SMIM36: variants seen among roughly 807,000 people sequenced by gnomAD.
SMIM36 encodes the protein small integral membrane protein 36.
intron 3 of SMIM36, among the ~76,000 whole-genome samples, chr17:55,472,351 G>C (rs969450102): frequency 2.6e-5 from 4 of 152,026 alleles, no homozygotes; most frequent in African/African-American, 2.4e-5. Flanking sequence ...GCTCTCTCTC[G>C]CTAAAGGAAT....
At chr17:55,501,963 G>A (rs1283492660) in intron 1 of SMIM36, among the ~76,000 whole-genome samples, 1 of 148,716 alleles carries the variant, frequency 6.7e-6, no homozygotes, top group East Asian at 2.0e-4. Context: ...AAGGGGTGAC[G>A]GACGCACCTG....
the SMIM36 span, among the ~76,000 whole-genome samples, chr17:55,522,193 C>T: frequency 7.7e-4 from 117 of 152,296 alleles, no homozygotes; most frequent in African/African-American, 2.7e-3. Flanking sequence ...AAGCCACTAC[C>T]ATTTCAGGAT....
chr17:55,483,725 C>G (rs1909559271), intron 1 of SMIM36, among the ~76,000 whole-genome samples: 2 of 152,192 alleles, frequency 1.3e-5, no homozygotes, highest in Non-Finnish European at 2.9e-5. Context: ...ACCTCTGCCT[C>G]TGGATTCCAG....
chr17:55,466,277 C>CAAAA (rs796506078), intron 4 of SMIM36, among the ~76,000 whole-genome samples: 1,013 of 45,440 alleles, frequency 0.022, 35 homozygotes, highest in Middle Eastern at 0.048. Context: ...GACTCCGTCT[C>CAAAA]AAAAAAAAAA....
chr17:55,464,150 G>A (rs1909194415), intron 4 of SMIM36, among the ~76,000 whole-genome samples: 1 of 152,102 alleles, frequency 6.6e-6, no homozygotes, highest in Non-Finnish European at 1.5e-5. Context: ...AAAAGAGGAT[G>A]TTAAATGACT....
chr17:55,519,582 C>A, the SMIM36 span, among the ~76,000 whole-genome samples: 1 of 152,066 alleles, frequency 6.6e-6, no homozygotes, highest in Non-Finnish European at 1.5e-5. Context: ...AAGGGCATAT[C>A]TTTGGAGTTG....
chr17:55,464,257 A>G (rs1375063943), intron 4 of SMIM36, among the ~76,000 whole-genome samples: 1 of 152,248 alleles, frequency 6.6e-6, no homozygotes, highest in Non-Finnish European at 1.5e-5. Flanking sequence ...ACAAGGCTCA[A>G]TATGGTATTG....
chr17:55,501,861 A>C (rs1017841562), intron 1 of SMIM36, among the ~76,000 whole-genome samples: 2 of 140,350 alleles, frequency 1.4e-5, no homozygotes. Flanking sequence ...GGCGCAGGCC[A>C]GTGGGTGCGC....
chr17:55,464,111 T>C (rs779754589), intron 4 of SMIM36, among the ~76,000 whole-genome samples: 1 of 151,958 alleles, frequency 6.6e-6, no homozygotes, highest in Non-Finnish European at 1.5e-5. Flanking sequence ...CAAGGCCCTG[T>C]CTCAAAAAAA....
At chr17:55,499,701 C>T (rs1567870216) in intron 1 of SMIM36, among the ~76,000 whole-genome samples, 1 of 152,032 alleles carries the variant, frequency 6.6e-6, no homozygotes, top group South Asian at 2.1e-4. Context: ...TGAATTAAAA[C>T]ATACTGGAAA....
At chr17:55,531,497 C>A in the SMIM36 span, among the ~76,000 whole-genome samples, 4 of 152,280 alleles carry the variant, frequency 2.6e-5, no homozygotes, top group African/African-American at 9.6e-5. Context: ...GGCCCTACCC[C>A]CTAGTAGTGT....
intron 3 of SMIM36, among the ~76,000 whole-genome samples, chr17:55,472,674 C>A (rs541736752): frequency 3.3e-5 from 5 of 152,230 alleles, no homozygotes; most frequent in Admixed American, 3.3e-4. Flanking sequence ...AGTTCGAGAC[C>A]AACCTGGCCA....
At chr17:55,453,792 T>C (rs1908968582) in intron 4 of SMIM36, among the ~76,000 whole-genome samples, 1 of 152,148 alleles carries the variant, frequency 6.6e-6, no homozygotes, top group East Asian at 1.9e-4. Context: ...GTAAAATAGA[T>C]ATTTAGAGTA....
At chr17:55,454,662 A>T (rs1247848422) in intron 4 of SMIM36, among the ~76,000 whole-genome samples, 1 of 152,236 alleles carries the variant, frequency 6.6e-6, no homozygotes, top group Non-Finnish European at 1.5e-5. Context: ...ACTTGCTTTA[A>T]AAAAGTGTGT....
intron 3 of SMIM36, among the ~76,000 whole-genome samples, chr17:55,469,538 C>A (rs1909304676): frequency 6.6e-6 from 1 of 152,128 alleles, no homozygotes; most frequent in South Asian, 2.1e-4. Context: ...AATTAGATTC[C>A]AGCTTTTGAA....
chr17:55,495,923 C>T (rs947371700), intron 1 of SMIM36, among the ~76,000 whole-genome samples: 11 of 152,178 alleles, frequency 7.2e-5, no homozygotes, highest in Non-Finnish European at 1.6e-4. Context: ...CAAATCCAGT[C>T]TTGCTGCCAT....
intron 3 of SMIM36, among the ~76,000 whole-genome samples, chr17:55,472,917 A>G (rs1046670740): frequency 2.0e-5 from 3 of 151,732 alleles, no homozygotes; most frequent in Non-Finnish European, 4.4e-5. Flanking sequence ...CTCTGCCGAC[A>G]GGATAGCAAA....
intron 3 of SMIM36, among the ~76,000 whole-genome samples, chr17:55,478,245 T>TG (rs936826460): frequency 6.6e-6 from 1 of 151,734 alleles, no homozygotes; most frequent in African/African-American, 2.4e-5. Context: ...TTCCTTTTTT[T>TG]TTTTTTCAGA....
intron 1 of SMIM36, among the ~76,000 whole-genome samples, chr17:55,497,383 G>C (rs1243940463): frequency 2.0e-5 from 3 of 152,078 alleles, no homozygotes; most frequent in African/African-American, 7.2e-5. Flanking sequence ...TCCTGCCTTA[G>C]TATCCTGAGT....
Sources: gnomAD v4.1 joint callset for allele counts (sites outside exome capture counted in the v4.1 genomes callset) on GRCh38, gnomAD v4.1.1 for gene constraint, MANE v1.5 for transcripts, NCBI Gene and HGNC (gene_info 2026-07-23, HGNC 2026-07-21) for gene names.